THSD4: variants seen among roughly 807,000 people sequenced by gnomAD.
The protein encoded by THSD4 is thrombospondin type 1 domain containing 4, also known as thrombospondin type-1 domain-containing protein 4.
Under a neutral mutation model 119.0 loss-of-function variants are expected in THSD4, and 69 were observed. That is an observed-to-expected ratio of 0.58 (90% CI 0.48 to 0.71). The LOEUF is 0.71. THSD4 is among the 30% of genes least tolerant of loss of function. THSD4 has a pLI of 0.00. For missense variants in THSD4, 1,393 were observed against 1,391.1 expected, an observed-to-expected ratio of 1.00 and a Z score of -0.02; for synonymous variants, 524 against 540.4, an observed-to-expected ratio of 0.97 and a Z score of 0.42.
intron 7 of THSD4, among the ~76,000 whole-genome samples, chr15:71,473,526 T>C (rs1243155691): frequency 1.3e-5 from 2 of 152,228 alleles, no homozygotes; most frequent in Admixed American, 6.5e-5. Context: ...AAATGACTGT[T>C]CACCATAGTA....
chr15:71,400,001 A>G (rs2046505805), intron 6 of THSD4, among the ~76,000 whole-genome samples: 1 of 152,214 alleles, frequency 6.6e-6, no homozygotes, highest in African/African-American at 2.4e-5. Flanking sequence ...ATGACACCTC[A>G]GTAATGCTGC....
chr15:71,458,859 C>G (rs550556929), intron 7 of THSD4, among the ~76,000 whole-genome samples: 14 of 152,300 alleles, frequency 9.2e-5, no homozygotes, highest in African/African-American at 2.6e-4. Flanking sequence ...TATAGTCTTT[C>G]ACACAGAATT....
intron 7 of THSD4, among the ~76,000 whole-genome samples, chr15:71,515,766 T>C (rs1178253804): frequency 6.6e-6 from 1 of 152,192 alleles, no homozygotes; most frequent in African/African-American, 2.4e-5. Flanking sequence ...GCTCCTGGAT[T>C]GTTCCAGGTT....
chr15:71,724,287 A>ATATATATATTTTTTTT, intron 8 of THSD4, among the ~76,000 whole-genome samples: 1 of 37,292 alleles, frequency 2.7e-5, no homozygotes, highest in East Asian at 1.8e-3. Flanking sequence ...ATATATATAT[A>ATATATATATTTTTTTT]TTTTTTTTTT....
chr15:71,724,882 C>T (rs55974051), intron 8 of THSD4, among the ~76,000 whole-genome samples: 1 of 113,856 alleles, frequency 8.8e-6, no homozygotes, highest in Non-Finnish European at 1.9e-5. Flanking sequence ...GATGGTGGTA[C>T]CATTTACTGA....
intron 12 of THSD4, 42 bp from the exon 13 acceptor site, chr15:71,746,796 T>G (rs777651186): frequency 1.2e-6 from 2 of 1,602,664 alleles, no homozygotes; most frequent in African/African-American, 2.7e-5. Flanking sequence ...TCCTGTTGAC[T>G]GAAGGTTGTC....
chr15:71,530,624 G>T (rs1390608188), intron 7 of THSD4, among the ~76,000 whole-genome samples: 1 of 152,160 alleles, frequency 6.6e-6, no homozygotes, highest in Admixed American at 6.5e-5. Flanking sequence ...TGACATCTCA[G>T]TGATTTGAGG....
intron 2 of THSD4, among the ~76,000 whole-genome samples, chr15:71,151,403 C>T (rs1208686062): frequency 1.3e-5 from 2 of 151,386 alleles, no homozygotes; most frequent in Admixed American, 6.6e-5. Flanking sequence ...AACAAAACCA[C>T]ACCAATCTGG....
At chr15:71,335,373 C>T (rs879944634) in intron 6 of THSD4, among the ~76,000 whole-genome samples, 1 of 152,140 alleles carries the variant, frequency 6.6e-6, no homozygotes, top group Non-Finnish European at 1.5e-5. Flanking sequence ...CCCCTAACCT[C>T]TCCCCAACCC....
At chr15:71,259,082 C>T (rs894049335) in intron 6 of THSD4, among the ~76,000 whole-genome samples, 1 of 151,548 alleles carries the variant, frequency 6.6e-6, no homozygotes, top group Admixed American at 6.6e-5. Context: ...CATTGCACTG[C>T]AGCCTGGACA....
At chr15:71,240,014 T>C (rs2044138710) in intron 4 of THSD4, among the ~76,000 whole-genome samples, 1 of 152,268 alleles carries the variant, frequency 6.6e-6, no homozygotes, top group South Asian at 2.1e-4. Context: ...TAACTGGTCA[T>C]TTGCATTCAT....
intron 8 of THSD4, among the ~76,000 whole-genome samples, chr15:71,665,935 G>A (rs567084623): frequency 4.6e-5 from 7 of 152,282 alleles, no homozygotes; most frequent in South Asian, 2.1e-4. Flanking sequence ...GTCAGGTAAC[G>A]TGATGCTTCC....
At chr15:71,617,764 T>C (rs1051277120) in intron 7 of THSD4, among the ~76,000 whole-genome samples, 3 of 152,364 alleles carry the variant, frequency 2.0e-5, no homozygotes, top group Non-Finnish European at 1.5e-5. Context: ...CATTCGTGAA[T>C]TTTGCTGAGC....
chr15:71,139,940 A>G (rs1328655633), intron 1 of THSD4, among the ~76,000 whole-genome samples: 1 of 152,244 alleles, frequency 6.6e-6, no homozygotes, highest in Non-Finnish European at 1.5e-5. Context: ...AAGTTTTACT[A>G]CGTTGCAACC....
intron 3 of THSD4, among the ~76,000 whole-genome samples, chr15:71,197,563 G>C (rs2043731318): frequency 6.6e-6 from 1 of 152,168 alleles, no homozygotes; most frequent in African/African-American, 2.4e-5. Context: ...GCTCTCATTT[G>C]TCATCGTGGG....
chr15:71,353,230 C>T lies in THSD4; in HGVS notation c.1016-58457C>T, dbSNP rs184490926. On this transcript the variant is annotated intron_variant, in intron 6 of 17. Transcript: ENST00000261862. ...TTATTTTCATTCAGGGATGTCACTCCGAGAACAGCAGTGTGGGATGAGGAA... is the reference window on the plus strand; with the variant it reads ...TTATTTTCATTCAGGGATGTCACTCTGAGAACAGCAGTGTGGGATGAGGAA... Among the ~76,000 whole-genome samples the T allele has an allele frequency of 1.6e-3, 240 of 152,216 alleles. 2 individuals carry two copies. The highest frequency in any genetic ancestry group is 6.8e-3 in the Middle Eastern group (2 of 294).
chr15:71,143,794 C>T (rs1030487866), intron 2 of THSD4, among the ~76,000 whole-genome samples: 1 of 141,210 alleles, frequency 7.1e-6, no homozygotes, highest in South Asian at 2.4e-4. Flanking sequence ...TAACCTTGAA[C>T]TTCTGGGCTC....
At position 71,367,458 on chromosome 15, in the gene THSD4, G is replaced by A. The variant is rs563221932; in HGVS notation, c.1016-44229G>A. On this transcript the variant is annotated intron_variant, in intron 6 of 17. Coordinates refer to ENST00000261862, the MANE Select transcript of THSD4 (RefSeq NM_024817.3). The stretch of plus-strand genomic sequence containing the variant: ...CCCTCCCCACCCCACGACAGGCCCC[G>A]GTGTGTGATGTTCCCCTTCCTGTGT... Among the ~76,000 whole-genome samples the A allele has an allele frequency of 2.0e-3, 306 of 152,098 alleles. 1 individual carries two copies. Among genetic ancestry groups the A allele is most frequent in the Middle Eastern group, 3.4e-3 (1 of 290 alleles).
intron 6 of THSD4, among the ~76,000 whole-genome samples, chr15:71,291,972 G>T (rs1481539838): frequency 6.6e-6 from 1 of 152,106 alleles, no homozygotes. Context: ...GTTACTGAAA[G>T]CACATCCTCT....
Sources: gnomAD v4.1 joint callset for allele counts (sites outside exome capture counted in the v4.1 genomes callset) on GRCh38, gnomAD v4.1.1 for gene constraint, MANE v1.5 for transcripts, NCBI Gene and HGNC (gene_info 2026-07-23, HGNC 2026-07-21) for gene names.